PRH1: variants seen among roughly 807,000 people sequenced by gnomAD.
PRH1 encodes the protein proline rich protein HaeIII subfamily 1.
A neutral mutation model predicts 7.9 loss-of-function variants in PRH1; 7 were observed. The observed-to-expected ratio is 0.89, with a 90% CI of 0.50 to 1.67. The LOEUF is 1.67. Among genes scored for constraint, PRH1 ranks in the 40% most tolerant of loss-of-function variants. The pLI is 0.00. For missense variants in PRH1, 109 were observed against 223.6 expected (o/e 0.49, Z 3.27); for synonymous variants, 45 against 80.8 (o/e 0.56, Z 2.38).
chr12:11,170,119 T>C (rs1242996092), intron 1 of PRH1, among the ~76,000 whole-genome samples: 1 of 152,162 alleles, frequency 6.6e-6, no homozygotes, highest in Non-Finnish European at 1.5e-5. Context: ...AGACGGTGTG[T>C]GCGATTAAAA....
At position 10,883,105 on chromosome 12, in the gene PRH1, G is replaced by C. The variant is rs537651276; in HGVS notation, c.65-9C>G. 6.2e-7 allele frequency: 1 copy of C among 1,612,742 alleles called. No homozygotes were observed. Among genetic ancestry groups the C allele is most frequent in the Non-Finnish European group, 8.5e-7 (1 of 1,178,902 alleles). ...ATCTTCCTGGCTGACATCTAGAAAA[G>C]AAGTACAGGATGATGGGAAAAGTTA... is the stretch of plus-strand genomic sequence containing the variant. On this transcript the variant is annotated splice_polypyrimidine_tract_variant and intron_variant, in intron 1 of 3. Transcript: ENST00000543626.
intron 1 of PRH1, among the ~76,000 whole-genome samples, chr12:10,987,685 G>T (rs753233364): frequency 6.6e-6 from 1 of 150,496 alleles, no homozygotes; most frequent in Non-Finnish European, 1.5e-5. Flanking sequence ...AAAACTGAGG[G>T]TTTTCAGACC....
chr12:10,984,914 G>A (rs1035453668), intron 1 of PRH1, among the ~76,000 whole-genome samples: 1 of 151,680 alleles, frequency 6.6e-6, no homozygotes. Flanking sequence ...TTTGCAAAAA[G>A]TTTAATTCAA....
chr12:11,069,711 T>C (rs1178615398), intron 1 of PRH1, among the ~76,000 whole-genome samples: 1 of 152,194 alleles, frequency 6.6e-6, no homozygotes, highest in Non-Finnish European at 1.5e-5. Context: ...GCTTCACACT[T>C]TGATAAATAC....
chr12:11,133,248 A>G, intron 1 of PRH1: 2 of 1,550,952 alleles, frequency 1.3e-6, no homozygotes, highest in Non-Finnish European at 1.7e-6. Flanking sequence ...CCAGTAAGAA[A>G]TATAAAATGT....
chr12:11,138,317 C>A (rs1017012581), intron 1 of PRH1, among the ~76,000 whole-genome samples: 17 of 151,750 alleles, frequency 1.1e-4, no homozygotes, highest in African/African-American at 3.1e-4. Context: ...GTCAAAGTAG[C>A]ATTATATATG....
At position 11,092,022 on chromosome 12, in the gene PRH1, C is replaced by G. The variant is rs202243775; in HGVS notation, n.124-44834G>C. The G allele has an allele frequency of 5.3e-5, 79 of 1,483,660 alleles. 1 individual carries two copies. The highest frequency in any genetic ancestry group is 6.8e-5 in the Non-Finnish European group (73 of 1,078,796). The allele number at this position is 1,483,660 out of a possible 1,614,324, so 91.9% of individuals were successfully genotyped here. On this transcript the variant is annotated intron_variant and non_coding_transcript_variant, in intron 1 of 4. Transcript: ENST00000541977. ...ACACTATTAAAAGCTGGATTCAACA[C>G]AGTTGAATACCAGTTTAATAATAAT...
At chr12:10,930,387 CCTTGT>C (rs1489873753) in intron 2 of PRH1, 1 of 1,545,652 alleles carries the variant, frequency 6.5e-7, no homozygotes, top group Non-Finnish European at 8.9e-7. Context: ...TTCTTATCAT[CCTTGT>C]CAGGAATTGG....
At chr12:11,012,393 A>G (rs1199782565) in intron 1 of PRH1, among the ~76,000 whole-genome samples, 1 of 152,136 alleles carries the variant, frequency 6.6e-6, no homozygotes, top group Non-Finnish European at 1.5e-5. Context: ...ATAATTATGT[A>G]TAAAACGCAG....
intron 1 of PRH1, chr12:11,133,408 C>A (rs1946433337): frequency 6.2e-7 from 1 of 1,613,916 alleles, no homozygotes; most frequent in Non-Finnish European, 8.5e-7. Flanking sequence ...TTCCCAAAAT[C>A]AGGATGAATG....
chr12:11,035,955 G>A (rs1292193216), intron 1 of PRH1, among the ~76,000 whole-genome samples: 3 of 152,092 alleles, frequency 2.0e-5, no homozygotes, highest in African/African-American at 4.8e-5. Context: ...GTGCAGTGGC[G>A]CGATCTCGGC....
At chr12:10,979,655 G>A (rs1009453706) in intron 1 of PRH1, among the ~76,000 whole-genome samples, 9 of 152,186 alleles carry the variant, frequency 5.9e-5, no homozygotes, top group African/African-American at 1.9e-4. Context: ...GCTACATTGA[G>A]AATACATCAG....
chr12:11,145,917 T>C (rs1481292442), intron 1 of PRH1, among the ~76,000 whole-genome samples: 6 of 152,192 alleles, frequency 3.9e-5, no homozygotes, highest in African/African-American at 1.4e-4. Flanking sequence ...GTTAACAAAC[T>C]ATACATAGCT....
chr12:10,931,224 A>G (rs1458027195), intron 2 of PRH1: 5 of 1,485,718 alleles, frequency 3.4e-6, no homozygotes, highest in Non-Finnish European at 4.5e-6. Flanking sequence ...ATATTCTGGG[A>G]TAAGGTAGCA....
intron 2 of PRH1, chr12:10,908,968 T>C: frequency 6.2e-7 from 1 of 1,613,696 alleles, no homozygotes; most frequent in Non-Finnish European, 8.5e-7. Flanking sequence ...AAACTCGCTA[T>C]TTTGAGCAAA....
chr12:11,078,094 G>A lies in PRH1; in HGVS notation n.124-30906C>T, dbSNP rs1473132347. On this transcript the variant is annotated intron_variant and non_coding_transcript_variant, in intron 1 of 4. Coordinates refer to the PRH1 transcript ENST00000541977. ...TAAACCAATTCTGGAGACCACCAGA[G>A]CAGTGAGGATTTGGTCAGCTGAGGA... 3 of 633,008 alleles carry A rather than the reference G, an allele frequency of 4.7e-6. 1 individual carries two copies. The highest frequency in any genetic ancestry group is 3.1e-5 in the South Asian group (2 of 65,364). 39.2% of individuals were successfully genotyped at this position (633,008 alleles called of 1,614,324 possible). A position where few individuals can be genotyped will look rare whatever the true frequency, so the allele number is the denominator to read the frequency against.
intron 1 of PRH1, among the ~76,000 whole-genome samples, chr12:11,000,948 C>T (rs11054147): frequency 0.3 from 46,305 of 151,922 alleles, 8,919 homozygotes; most frequent in East Asian, 0.74. Context: ...CAGAACAAAG[C>T]ACTCTTACCA....
chr12:10,944,914 G>T (rs1243453675), intron 2 of PRH1, among the ~76,000 whole-genome samples: 1 of 152,106 alleles, frequency 6.6e-6, no homozygotes, highest in African/African-American at 2.4e-5. Context: ...AGGCCTATTT[G>T]ATCATGGTGG....
chr12:10,971,092 T>A (rs964090411), intron 2 of PRH1, among the ~76,000 whole-genome samples: 1 of 141,428 alleles, frequency 7.1e-6, no homozygotes, highest in African/African-American at 2.6e-5. Flanking sequence ...AAGTTATAAC[T>A]TTACTCCCCG....
Sources: gnomAD v4.1 joint callset for allele counts (sites outside exome capture counted in the v4.1 genomes callset) on GRCh38, gnomAD v4.1.1 for gene constraint, MANE v1.5 for transcripts, NCBI Gene and HGNC (gene_info 2026-07-23, HGNC 2026-07-21) for gene names.